MRAP2: variants seen among roughly 807,000 people sequenced by gnomAD.
MRAP2 encodes melanocortin 2 receptor accessory protein 2.
Under a neutral mutation model 17.4 loss-of-function variants are expected in MRAP2, and 20 were observed. The observed-to-expected ratio is 1.15, with a 90% CI of 0.81 to 1.67. The LOEUF is 1.67. Ranked by LOEUF, MRAP2 falls within the 40% of genes most tolerant of loss-of-function variation. The probability of loss-of-function intolerance (pLI) is 0.00; values close to 1 mark genes in which losing one functional copy is unlikely to be tolerated. For synonymous variants in MRAP2, 96 were observed against 88.4 expected (o/e 1.09, Z -0.48); for missense variants, 238 against 240.0 (o/e 0.99, Z 0.05).
intron 3 of MRAP2, among the ~76,000 whole-genome samples, chr6:84,069,827 G>A (rs1055511280): frequency 2.0e-5 from 3 of 152,036 alleles, no homozygotes; most frequent in African/African-American, 7.2e-5. Context: ...TAGGAGGGTT[G>A]TATTTTTCCA....
intron 3 of MRAP2, among the ~76,000 whole-genome samples, chr6:84,067,322 A>G (rs1193733809): frequency 6.6e-6 from 1 of 152,170 alleles, no homozygotes; most frequent in African/African-American, 2.4e-5. Flanking sequence ...TGCAATTGTG[A>G]ATTGTGCTGC....
intron 3 of MRAP2, among the ~76,000 whole-genome samples, chr6:84,074,468 G>T (rs1314117424): frequency 6.6e-6 from 1 of 152,188 alleles, no homozygotes. Context: ...ACTGGTGCTG[G>T]ATCTACCACT....
rs2099486554 is a variant in MRAP2, at chr6:84,037,842, G to A, written c.-8+3959G>A. ...TCTCTCCCTCCACACCTCCCCGCAAGCAGAGGGAGCCAGCTCCAGCCTCGG... is the reference window on the plus strand; with the variant it reads ...TCTCTCCCTCCACACCTCCCCGCAAACAGAGGGAGCCAGCTCCAGCCTCGG... On this transcript the variant is annotated intron_variant, in intron 1 of 3. Coordinates refer to ENST00000257776, the MANE Select transcript of MRAP2 (RefSeq NM_138409.4). Among the ~76,000 whole-genome samples the A allele has an allele frequency of 2.6e-5, 4 of 152,198 alleles. No individual in the cohort carries two copies. The South Asian group carries it at 8.3e-4, about 32-fold the overall frequency.
At chr6:84,124,798 A>T in the MRAP2 span, 6 of 401,984 alleles carry the variant, frequency 1.5e-5, no homozygotes, top group Admixed American at 2.8e-4. Flanking sequence ...TTTTCTTTCT[A>T]TTTCTAGCAT....
intron 1 of MRAP2, among the ~76,000 whole-genome samples, chr6:84,042,811 GAAGAT>G (rs1487740460): frequency 6.6e-6 from 1 of 152,262 alleles, no homozygotes; most frequent in Non-Finnish European, 1.5e-5. Context: ...CCAGGCCTCA[GAAGAT>G]AAGATGGTCA....
the MRAP2 span, among the ~76,000 whole-genome samples, chr6:84,144,811 T>G: frequency 6.6e-6 from 1 of 152,286 alleles, no homozygotes; most frequent in South Asian, 2.1e-4. Flanking sequence ...CTTTTTCTCT[T>G]AAGCTATCCA....
At chr6:84,109,936 G>T in the MRAP2 span, among the ~76,000 whole-genome samples, 299 of 152,088 alleles carry the variant, frequency 2.0e-3, 3 homozygotes, top group Middle Eastern at 0.054. Context: ...TGAACTCATC[G>T]TTTTTTATGG....
chr6:84,073,537 A>G (rs2099496773), intron 3 of MRAP2, among the ~76,000 whole-genome samples: 1 of 152,176 alleles, frequency 6.6e-6, no homozygotes, highest in African/African-American at 2.4e-5. Context: ...GCTAAAATTC[A>G]GTGTGAGCCT....
the MRAP2 span, among the ~76,000 whole-genome samples, chr6:84,131,595 A>T: frequency 6.6e-6 from 1 of 151,716 alleles, no homozygotes; most frequent in Middle Eastern, 3.4e-3. Flanking sequence ...CTTTACCATT[A>T]TGGCCTTGTC....
intron 3 of MRAP2, among the ~76,000 whole-genome samples, chr6:84,065,892 G>A (rs2129168879): frequency 6.6e-6 from 1 of 152,212 alleles, no homozygotes. Context: ...GATTCTACCA[G>A]GACACTGCCT....
the MRAP2 span, among the ~76,000 whole-genome samples, chr6:84,128,542 T>G: frequency 6.6e-6 from 1 of 152,118 alleles, no homozygotes; most frequent in Admixed American, 6.5e-5. Context: ...TGGTGGTCGG[T>G]AAGCCACCAT....
At chr6:84,101,833 G>A in the MRAP2 span, among the ~76,000 whole-genome samples, 1 of 152,152 alleles carries the variant, frequency 6.6e-6, no homozygotes, top group South Asian at 2.1e-4. Flanking sequence ...TTGCCTTTAA[G>A]CCTATTTCTA....
intron 2 of MRAP2, among the ~76,000 whole-genome samples, chr6:84,056,198 A>G (rs1458714629): frequency 5.9e-5 from 9 of 152,256 alleles, no homozygotes; most frequent in Non-Finnish European, 1.2e-4. Context: ...AATTATCCAC[A>G]GCACTGTAAA....
At chr6:84,039,395 G>T (rs1308970450) in intron 1 of MRAP2, among the ~76,000 whole-genome samples, 1 of 152,128 alleles carries the variant, frequency 6.6e-6, no homozygotes, top group Non-Finnish European at 1.5e-5. Context: ...TTCATGTCAG[G>T]GTACAAAGTG....
At chr6:84,036,722 A>AC (rs1257284934) in intron 1 of MRAP2, among the ~76,000 whole-genome samples, 9 of 151,730 alleles carry the variant, frequency 5.9e-5, no homozygotes, top group South Asian at 2.1e-4. Flanking sequence ...CCTTTATCTG[A>AC]CCCCACCCAC....
chr6:84,136,038 A>C, the MRAP2 span, among the ~76,000 whole-genome samples: 2 of 152,218 alleles, frequency 1.3e-5, no homozygotes, highest in Non-Finnish European at 2.9e-5. Context: ...GCACTGAAGG[A>C]GATCCTGGGC....
the MRAP2 span, among the ~76,000 whole-genome samples, chr6:84,109,765 C>T: frequency 2.6e-5 from 4 of 151,854 alleles, no homozygotes; most frequent in South Asian, 6.3e-4. Flanking sequence ...CCCCACCCCC[C>T]GACAGGTCCT....
downstream of MRAP2, among the ~76,000 whole-genome samples, chr6:84,095,002 T>A (rs1451500301): frequency 6.6e-6 from 1 of 152,200 alleles, no homozygotes; most frequent in Non-Finnish European, 1.5e-5. Flanking sequence ...CCACTGCCCA[T>A]TGCCAACTCC....
chr6:84,099,149 C>G, the MRAP2 span, among the ~76,000 whole-genome samples: 1 of 134,314 alleles, frequency 7.4e-6, no homozygotes, highest in Non-Finnish European at 1.6e-5. Context: ...TCACCATGAT[C>G]TTTTTAATGA....
Sources: gnomAD v4.1 joint callset for allele counts (sites outside exome capture counted in the v4.1 genomes callset) on GRCh38, gnomAD v4.1.1 for gene constraint, MANE v1.5 for transcripts, NCBI Gene and HGNC (gene_info 2026-07-23, HGNC 2026-07-21) for gene names.